The following GRM4 variants were observed in gnomAD, a reference collection of about 807,000 sequenced individuals.
GRM4 encodes the protein metabotropic glutamate receptor 4.
Under a neutral mutation model 81.7 loss-of-function variants are expected in GRM4, and 28 were observed. The ratio of observed to expected loss-of-function variants is 0.34; its 90% CI spans 0.25 to 0.47. The LOEUF is 0.47. Ranked by LOEUF, GRM4 falls within the 20% of genes least tolerant of loss-of-function variation. GRM4 has a pLI of 1.00. For missense variants in GRM4, 948 were observed against 1,290.0 expected, an observed-to-expected ratio of 0.73 and a Z score of 4.06; for synonymous variants, 488 against 528.8, an observed-to-expected ratio of 0.92 and a Z score of 1.06.
chr6:34,106,853 G>A (rs781562005), intron 2 of GRM4, among the ~76,000 whole-genome samples: 1 of 152,226 alleles, frequency 6.6e-6, no homozygotes, highest in South Asian at 2.1e-4. Flanking sequence ...ACAAACAGGC[G>A]AGCCTGAGCG....
intron 3 of GRM4, among the ~76,000 whole-genome samples, chr6:34,071,654 A>T (rs962694157): frequency 1.5e-4 from 4 of 26,550 alleles, no homozygotes; most frequent in African/African-American, 6.2e-4. Flanking sequence ...ACACCCATTC[A>T]TCAGCACACA....
At chr6:34,049,480 G>A (rs536347687) in intron 6 of GRM4, among the ~76,000 whole-genome samples, 3 of 151,924 alleles carry the variant, frequency 2.0e-5, no homozygotes, top group African/African-American at 7.2e-5. Context: ...CACACTCCTT[G>A]GTGCTCCCAG....
At chr6:34,075,314 C>G (rs1286859835) in intron 3 of GRM4, among the ~76,000 whole-genome samples, 15 of 152,222 alleles carry the variant, frequency 9.9e-5, no homozygotes, top group Non-Finnish European at 2.1e-4. Context: ...GCTTTCCAGT[C>G]CTCTCCTCCG....
In GRM4 at chr6:34,020,876, T is replaced by A. The variant is rs1348083225; in HGVS notation, c.*1945A>T. On this transcript the variant is annotated 3_prime_UTR_variant, in exon 11 of 11. Coordinates refer to ENST00000538487, the MANE Select transcript of GRM4 (RefSeq NM_000841.4). ...CTCAGTTATACACACACTCTCATAC[T>A]CTGTCCCTGCGTGGCCCCCTGCCTA... 1 of 152,354 alleles carries A rather than the reference T, an allele frequency of 6.6e-6. No individual in the cohort carries two copies. The highest frequency in any genetic ancestry group is 1.5e-5 in the Non-Finnish European group (1 of 68,172). 9.4% of individuals were successfully genotyped at this position (152,354 alleles called of 1,614,324 possible). A position where few individuals can be genotyped will look rare whatever the true frequency, so the allele number is the denominator to read the frequency against.
At position 34,119,983 on chromosome 6, in the gene GRM4, T is replaced by G. The variant is rs796312473; in HGVS notation, c.519+12995A>C. The stretch of plus-strand genomic sequence containing the variant: ...GCAGGCCTGAGTTTCTCTGGAAGGG[T>G]GCGCAGGGAATAATGGCTGCCTCCA... On this transcript the variant is annotated intron_variant, in intron 2 of 10. Coordinates refer to ENST00000538487, the MANE Select transcript of GRM4 (RefSeq NM_000841.4). Among the ~76,000 whole-genome samples the G allele has an allele frequency of 3.3e-5, 5 of 152,086 alleles. No homozygotes were observed. The South Asian group carries it at 6.2e-4, about 19-fold the overall frequency.
intron 1 of GRM4, among the ~76,000 whole-genome samples, chr6:34,137,866 G>T (rs1197897804): frequency 2.6e-5 from 4 of 151,238 alleles, no homozygotes; most frequent in Non-Finnish European, 5.9e-5. Context: ...AAAGTACTGG[G>T]AATACAGGTG....
In GRM4 at chr6:34,020,837, T is replaced by C. The variant is rs1237222604; in HGVS notation, c.*1984A>G. On this transcript the variant is annotated 3_prime_UTR_variant, in exon 11 of 11. Coordinates refer to ENST00000538487, the MANE Select transcript of GRM4 (RefSeq NM_000841.4). ...GATGGAGAAGACATACCTGGCATGA[T>C]TCAATGTCCCAGCCTCAGTTATACA... 1.3e-5 allele frequency: 2 copies of C among 152,234 alleles called. No homozygotes were observed. The highest frequency in any genetic ancestry group is 2.9e-5 in the Non-Finnish European group (2 of 68,122). The allele number at this position is 152,234 out of a possible 1,614,324, so 9.4% of individuals were successfully genotyped here.
In GRM4 at chr6:34,089,118, C is replaced by A. The variant is rs1007523600; in HGVS notation, c.736+2765G>T. 6.6e-6 allele frequency among the ~76,000 whole-genome samples: 1 copy of A among 152,158 alleles called. No individual in the cohort carries two copies. The highest frequency in any genetic ancestry group is 1.5e-5 in the Non-Finnish European group (1 of 68,022). ...CCTCTGAAGCACCCAGAGACCAGCA[C>A]ACAGTTGGCACCCAGGACTCACTCA... On this transcript the variant is annotated intron_variant, in intron 3 of 10. Coordinates refer to ENST00000538487, the MANE Select transcript of GRM4 (RefSeq NM_000841.4). This position sits in a 1 kb window ranked among gnomAD's most constrained non-coding sequence, Gnocchi z 4.3.
chr6:34,030,098 G>C (rs1478132232), intron 9 of GRM4, among the ~76,000 whole-genome samples: 1 of 152,234 alleles, frequency 6.6e-6, no homozygotes, highest in East Asian at 1.9e-4. Context: ...CGTCTCTCCT[G>C]CCCAAACTGG....
At position 34,122,216 on chromosome 6, in the gene GRM4, G is replaced by C. The variant is rs531231137; in HGVS notation, c.519+10762C>G. On this transcript the variant is annotated intron_variant, in intron 2 of 10. Coordinates refer to ENST00000538487, the MANE Select transcript of GRM4 (RefSeq NM_000841.4). ...GCCCCAACACTCTCTCTCTGTGCTT[G>C]GGTGGTGTGGGACAACAAGGCGTCC... 3.3e-5 allele frequency among the ~76,000 whole-genome samples: 5 copies of C among 152,184 alleles called. No individual in the cohort carries two copies. The East Asian group carries it at 9.8e-4, about 30-fold the overall frequency.
At chr6:34,066,057 C>T (rs1488388184) in intron 3 of GRM4, among the ~76,000 whole-genome samples, 3 of 152,138 alleles carry the variant, frequency 2.0e-5, no homozygotes, top group Non-Finnish European at 4.4e-5. Flanking sequence ...CCCCATCCCT[C>T]GGGGCCCGCC....
chr6:34,137,823 T>A (rs951347046), intron 1 of GRM4, among the ~76,000 whole-genome samples: 1 of 147,742 alleles, frequency 6.8e-6, no homozygotes, highest in Non-Finnish European at 1.5e-5. Flanking sequence ...CTCGAACTCC[T>A]GAGCTCAAGC....
At position 34,078,384 on chromosome 6, in the gene GRM4, C is replaced by G. The variant is rs1767424430; in HGVS notation, c.736+13499G>C. Among the ~76,000 whole-genome samples the G allele has an allele frequency of 6.6e-6, 1 of 152,148 alleles. No individual in the cohort carries two copies. Among genetic ancestry groups the G allele is most frequent in the Admixed American group, 6.5e-5 (1 of 15,278 alleles). On this transcript the variant is annotated intron_variant, in intron 3 of 10. Coordinates refer to ENST00000538487, the MANE Select transcript of GRM4 (RefSeq NM_000841.4). The surrounding 1 kb of genome is among the most constrained non-coding windows in gnomAD (Gnocchi z 4.8). ...CTACGTGTTGTCTCCTGAGCTCCTT[C>G]CAGTCCACCCAGGTCCTAGGTATGA...
chr6:34,154,977 G>A, intron 1 of GRM4: 1 of 986,410 alleles, frequency 1.0e-6, no homozygotes, highest in South Asian at 2.1e-5. Context: ...GCCTGGGGCG[G>A]GTCCGAGCGG....
chr6:34,055,259 C>T (rs1765811154), intron 6 of GRM4: 3 of 152,380 alleles, frequency 2.0e-5, no homozygotes, highest in Admixed American at 2.0e-4. Context: ...TCAGGAACAC[C>T]AGCTCACACA....
In GRM4 at chr6:34,133,434, G is replaced by T. The variant is rs1440900179; in HGVS notation, c.63C>A (p.Ser21Arg). 6.2e-7 allele frequency: 1 copy of T among 1,610,692 alleles called. No homozygotes were observed. Among genetic ancestry groups the T allele is most frequent in the Admixed American group, 1.7e-5 (1 of 59,778 alleles). ...AGGAAGGCATCCAGGGGCCGTAAAGGCTGAGGAGCAGGCAAAGGGGCAGCC... is the reference window on the plus strand; with the variant it reads ...AGGAAGGCATCCAGGGGCCGTAAAGTCTGAGGAGCAGGCAAAGGGGCAGCC... ...WARLPLCLLL[S>R]LYGPWMPSSL... The change falls in exon 2 of 11, where the codon AGC (serine) becomes AGA (arginine). Residue 21 changes from serine to arginine, a missense_variant. Ser to Arg is a moderately radical substitution (Grantham distance 110, BLOSUM62 -1). Coordinates refer to ENST00000538487, the MANE Select transcript of GRM4 (RefSeq NM_000841.4). The surrounding 1 kb of genome is among the most constrained non-coding windows in gnomAD (Gnocchi z 6.5).
intron 3 of GRM4, among the ~76,000 whole-genome samples, chr6:34,077,962 G>A (rs147596521): frequency 6.6e-6 from 1 of 151,546 alleles, no homozygotes; most frequent in East Asian, 2.0e-4. Context: ...GCCACTGCTG[G>A]GCCCTGGATC....
At chr6:34,155,405 C>A in exon 1 of GRM4, 1 of 1,473,874 alleles carries the variant, frequency 6.8e-7, no homozygotes. Context: ...CCACTCTCAG[C>A]ATCTCCTGAG....
intron 8 of GRM4, among the ~76,000 whole-genome samples, chr6:34,039,442 G>A (rs1764887680): frequency 6.6e-6 from 1 of 152,164 alleles, no homozygotes; most frequent in African/African-American, 2.4e-5. Flanking sequence ...GTCACAGTGG[G>A]CCCACCCCGG....
Sources: allele counts gnomAD v4.1 joint callset (sites outside exome capture counted in the v4.1 genomes callset), GRCh38; gene constraint gnomAD v4.1.1; non-coding constraint Gnocchi (gnomAD v3.1); transcripts MANE v1.5; gene names NCBI Gene and HGNC (gene_info 2026-07-23, HGNC 2026-07-21).